The following SLC9A9 variants were observed in gnomAD, a reference collection of about 807,000 sequenced individuals.
SLC9A9 encodes the protein sodium/hydrogen exchanger 9.
In SLC9A9, 62 loss-of-function variants were observed where a neutral mutation model predicts 77.8. That is an observed-to-expected ratio of 0.80 (90% CI 0.65 to 0.98). The LOEUF is 0.98. SLC9A9 is among the 50% of genes least tolerant of loss of function. The pLI is 0.00. For synonymous variants in SLC9A9, 320 were observed against 283.5 expected, an observed-to-expected ratio of 1.13 and a Z score of -1.29; for missense variants, 775 against 774.9, an observed-to-expected ratio of 1.00 and a Z score of 0.00.
intron 12 of SLC9A9, among the ~76,000 whole-genome samples, chr3:143,433,346 A>G (rs1314363688): frequency 6.6e-6 from 1 of 152,178 alleles, no homozygotes; most frequent in Admixed American, 6.5e-5. Flanking sequence ...TTCATTCAAA[A>G]AATTGTGATT....
intron 8 of SLC9A9, among the ~76,000 whole-genome samples, chr3:143,562,542 A>G (rs1396831703): frequency 6.6e-6 from 1 of 152,026 alleles, no homozygotes; most frequent in African/African-American, 2.4e-5. Flanking sequence ...TAGGAGAAAC[A>G]ACTAATAAAC....
intron 2 of SLC9A9, among the ~76,000 whole-genome samples, chr3:143,810,961 G>A (rs1270604246): frequency 2.0e-5 from 3 of 152,092 alleles, no homozygotes; most frequent in African/African-American, 2.4e-5. Context: ...TGATCCCCCA[G>A]GAAATTTTGA....
intron 4 of SLC9A9, among the ~76,000 whole-genome samples, chr3:143,699,658 C>T (rs1933740196): frequency 6.6e-6 from 1 of 152,148 alleles, no homozygotes; most frequent in Non-Finnish European, 1.5e-5. Context: ...GAGGAATTGC[C>T]TATCCCAGCG....
chr3:143,491,922 G>A (rs2035753678), intron 11 of SLC9A9, among the ~76,000 whole-genome samples: 1 of 152,144 alleles, frequency 6.6e-6, no homozygotes, highest in Admixed American at 6.5e-5. Context: ...ATTTATGAGT[G>A]CTCAAGTTTA....
chr3:143,519,124 T>C (rs1195171261), intron 9 of SLC9A9, among the ~76,000 whole-genome samples: 3 of 152,074 alleles, frequency 2.0e-5, no homozygotes, highest in Non-Finnish European at 4.4e-5. Flanking sequence ...TTTTGGAACA[T>C]AAATTATGAG....
chr3:143,805,580 TG>T (rs1044472398), intron 2 of SLC9A9, among the ~76,000 whole-genome samples: 1 of 152,054 alleles, frequency 6.6e-6, no homozygotes, highest in Admixed American at 6.5e-5. Flanking sequence ...GAAGTGAAAA[TG>T]GCTGGTTCCT....
At chr3:143,319,439 T>C (rs554039621) in intron 14 of SLC9A9, among the ~76,000 whole-genome samples, 1 of 152,228 alleles carries the variant, frequency 6.6e-6, no homozygotes, top group Non-Finnish European at 1.5e-5. Context: ...TCATTTGCTT[T>C]GAAGACCAGA....
chr3:143,720,834 G>T (rs1207158442), intron 4 of SLC9A9, among the ~76,000 whole-genome samples: 1 of 145,222 alleles, frequency 6.9e-6, no homozygotes, highest in African/African-American at 2.9e-5. Flanking sequence ...GCCCATATTG[G>T]CTGTCTAGGG....
intron 14 of SLC9A9, among the ~76,000 whole-genome samples, chr3:143,345,827 A>C (rs192368096): frequency 1.4e-3 from 213 of 152,296 alleles, no homozygotes; most frequent in African/African-American, 5.0e-3. Flanking sequence ...ACTGTTTGCA[A>C]GGGTGATATG....
chr3:143,293,656 G>A (rs2030117691), intron 14 of SLC9A9, among the ~76,000 whole-genome samples: 1 of 152,172 alleles, frequency 6.6e-6, no homozygotes, highest in South Asian at 2.1e-4. Context: ...TTTGGAGACT[G>A]AATTTTAGCA....
chr3:143,767,413 T>TGTGTGTGTGTGTGTGTGTG (rs57409522), intron 4 of SLC9A9, among the ~76,000 whole-genome samples: 1 of 151,440 alleles, frequency 6.6e-6, no homozygotes, highest in African/African-American at 2.4e-5. Context: ...TGTGTGTGTG[T>TGTGTGTGTGTGTGTGTGTG]TTACAGAAAA....
At chr3:143,783,329 G>A (rs372660263) in intron 4 of SLC9A9, among the ~76,000 whole-genome samples, 6 of 151,978 alleles carry the variant, frequency 3.9e-5, no homozygotes, top group African/African-American at 7.2e-5. Flanking sequence ...GCTCTACCTC[G>A]CTGCTGCCCT....
chr3:143,763,005 C>A (rs1247642705), intron 4 of SLC9A9, among the ~76,000 whole-genome samples: 2 of 152,092 alleles, frequency 1.3e-5, no homozygotes, highest in Non-Finnish European at 2.9e-5. Flanking sequence ...CAGGTGGGGC[C>A]TTTGGACTCC....
intron 8 of SLC9A9, among the ~76,000 whole-genome samples, chr3:143,573,848 C>G (rs1442768046): frequency 6.6e-6 from 1 of 152,160 alleles, no homozygotes; most frequent in Non-Finnish European, 1.5e-5. Flanking sequence ...CCTGTCCAGC[C>G]AGGAGAAGAG....
intron 8 of SLC9A9, among the ~76,000 whole-genome samples, chr3:143,570,136 C>T (rs2037234825): frequency 6.6e-6 from 1 of 151,946 alleles, no homozygotes; most frequent in South Asian, 2.1e-4. Flanking sequence ...AGTAACTGAA[C>T]TACAATGTGA....
At chr3:143,569,550 A>C (rs562297005) in intron 8 of SLC9A9, among the ~76,000 whole-genome samples, 138 of 152,234 alleles carry the variant, frequency 9.1e-4, no homozygotes, top group African/African-American at 3.2e-3. Context: ...ATTATACACT[A>C]TCATTAAGAA....
In SLC9A9 at chr3:143,471,942, G is replaced by T. The variant is rs772627029; in HGVS notation, c.1316-4752C>A. 2.0e-5 allele frequency among the ~76,000 whole-genome samples: 3 copies of T among 152,170 alleles called. No homozygotes were observed. In the East Asian group the frequency reaches 5.8e-4, roughly 29 times the overall value. ...AAGGAAAGCTTTCTAGCAAGCACTC[G>T]TGCTGCAGAAAATGTGCAGCTTCCT... On this transcript the variant is annotated intron_variant, in intron 11 of 15. Transcript: ENST00000316549.
chr3:143,798,722 A>T (rs2008461382), intron 2 of SLC9A9, among the ~76,000 whole-genome samples: 1 of 152,174 alleles, frequency 6.6e-6, no homozygotes. Context: ...TTCTTGTCGT[A>T]AAATGGGCAA....
intron 14 of SLC9A9, among the ~76,000 whole-genome samples, chr3:143,313,618 C>A (rs181577094): frequency 8.5e-5 from 13 of 152,290 alleles, no homozygotes; most frequent in Admixed American, 5.2e-4. Context: ...CTAAATATTC[C>A]AAGTCTTATT....
Sources: allele counts gnomAD v4.1 joint callset (sites outside exome capture counted in the v4.1 genomes callset), GRCh38; gene constraint gnomAD v4.1.1; transcripts MANE v1.5; gene names NCBI Gene and HGNC (gene_info 2026-07-23, HGNC 2026-07-21).